The following RGS6 variants were observed in gnomAD, a reference collection of about 807,000 sequenced individuals.
The protein encoded by RGS6 is regulator of G-protein signaling 6.
In RGS6, 30 loss-of-function variants were observed where a neutral mutation model predicts 78.5. The observed-to-expected ratio is 0.38, with a 90% confidence interval of 0.29 to 0.52. The LOEUF (loss-of-function observed/expected upper bound fraction) is 0.52. Among genes scored for constraint, RGS6 ranks in the 20% least tolerant of loss-of-function variants. The pLI, the probability that RGS6 is intolerant of heterozygous loss-of-function variation, is 0.85. For synonymous variants in RGS6, 206 were observed against 206.0 expected (o/e 1.00, Z 0.00); for missense variants, 495 against 609.7 (o/e 0.81, Z 1.98).
chr14:72,260,183 T>C (rs113381948), intron 2 of RGS6, among the ~76,000 whole-genome samples: 1 of 152,210 alleles, frequency 6.6e-6, no homozygotes. Flanking sequence ...CTGGTGACAA[T>C]AGTCGTTACT....
the RGS6 span, among the ~76,000 whole-genome samples, chr14:72,628,147 C>T: frequency 1.1e-4 from 16 of 152,126 alleles, no homozygotes; most frequent in South Asian, 1.0e-3. Flanking sequence ...AGAATAGTGT[C>T]GAATCATAGT....
the RGS6 span, among the ~76,000 whole-genome samples, chr14:71,885,232 A>G: frequency 1.1e-4 from 17 of 152,174 alleles, no homozygotes; most frequent in Admixed American, 4.6e-4. Flanking sequence ...AAACCTAAAC[A>G]TTTCTACTCC....
chr14:72,501,583 G>A (rs1206839864), intron 13 of RGS6, among the ~76,000 whole-genome samples: 3 of 152,196 alleles, frequency 2.0e-5, no homozygotes, highest in Non-Finnish European at 4.4e-5. Context: ...TTCTCATTGA[G>A]GAGAAGTCAG....
chr14:71,890,052 C>G, the RGS6 span, among the ~76,000 whole-genome samples: 15 of 152,262 alleles, frequency 9.9e-5, no homozygotes, highest in Admixed American at 3.9e-4. Context: ...GAGGCCCCCC[C>G]AGAAGTGGAT....
the RGS6 span, among the ~76,000 whole-genome samples, chr14:71,915,181 C>T: frequency 1.5e-4 from 22 of 151,580 alleles, no homozygotes; most frequent in African/African-American, 4.6e-4. Flanking sequence ...TCGCTTGAAC[C>T]GGGAGGCAGA....
intron 2 of RGS6, among the ~76,000 whole-genome samples, chr14:72,072,475 T>C (rs2094441831): frequency 6.6e-6 from 1 of 152,072 alleles, no homozygotes; most frequent in South Asian, 2.1e-4. Flanking sequence ...GCCCGGCTAA[T>C]TTTTTGTATT....
At chr14:71,889,126 G>A in the RGS6 span, among the ~76,000 whole-genome samples, 1 of 152,124 alleles carries the variant, frequency 6.6e-6, no homozygotes. Context: ...AGAATTCAGA[G>A]GCGGGCAGGA....
intron 3 of RGS6, among the ~76,000 whole-genome samples, chr14:72,440,114 G>A (rs190221996): frequency 9.9e-5 from 15 of 152,274 alleles, no homozygotes; most frequent in Admixed American, 6.5e-4. Context: ...CAGCACTTGC[G>A]CTTTGCTTTC....
intron 2 of RGS6, among the ~76,000 whole-genome samples, chr14:72,113,700 G>T (rs1403137718): frequency 6.6e-6 from 1 of 152,188 alleles, no homozygotes; most frequent in Non-Finnish European, 1.5e-5. Flanking sequence ...GGATGGCTCT[G>T]TTCCTCAGGC....
At chr14:72,491,826 C>G (rs2096581855) in intron 12 of RGS6, among the ~76,000 whole-genome samples, 1 of 152,126 alleles carries the variant, frequency 6.6e-6, no homozygotes, top group East Asian at 1.9e-4. Context: ...CACTAGGGAC[C>G]ATGGAAAGCA....
intron 15 of RGS6, among the ~76,000 whole-genome samples, chr14:72,525,816 A>G (rs2097109812): frequency 6.6e-6 from 1 of 152,162 alleles, no homozygotes; most frequent in South Asian, 2.1e-4. Context: ...GACATATTTT[A>G]ATAAGGAATT....
At chr14:71,966,864 T>G (rs567824136) in intron 2 of RGS6, among the ~76,000 whole-genome samples, 1 of 152,270 alleles carries the variant, frequency 6.6e-6, no homozygotes, top group Non-Finnish European at 1.5e-5. Context: ...ATTTATACAG[T>G]GAGTTTTTTT....
chr14:71,918,285 T>C, the RGS6 span, among the ~76,000 whole-genome samples: 475 of 151,314 alleles, frequency 3.1e-3, 2 homozygotes, highest in African/African-American at 0.011. Flanking sequence ...AAATGGTGGT[T>C]CTTAGATTTT....
chr14:72,085,137 TGA>T (rs1567173596), intron 2 of RGS6, among the ~76,000 whole-genome samples: 1 of 152,208 alleles, frequency 6.6e-6, no homozygotes, highest in Admixed American at 6.5e-5. Context: ...GTAGAATTAC[TGA>T]GAGTAATTAT....
intron 3 of RGS6, among the ~76,000 whole-genome samples, chr14:72,414,828 G>C (rs534662407): frequency 6.6e-6 from 1 of 152,218 alleles, no homozygotes; most frequent in African/African-American, 2.4e-5. Context: ...TCCAGAGCCT[G>C]TTTACCTGCG....
intron 3 of RGS6, among the ~76,000 whole-genome samples, chr14:72,355,082 T>G (rs1792853339): frequency 6.6e-6 from 1 of 152,174 alleles, no homozygotes; most frequent in African/African-American, 2.4e-5. Context: ...AAATGAGCCA[T>G]GAAGTATCTC....
chr14:71,982,412 T>G (rs571673271), intron 2 of RGS6, among the ~76,000 whole-genome samples: 1 of 152,380 alleles, frequency 6.6e-6, no homozygotes, highest in African/African-American at 2.4e-5. Context: ...CTGAGAGAAC[T>G]TAACTATTTT....
chr14:72,042,381 G>A (rs541246281), intron 2 of RGS6, among the ~76,000 whole-genome samples: 20 of 151,942 alleles, frequency 1.3e-4, no homozygotes, highest in African/African-American at 3.1e-4. Context: ...CTCCTGCTTC[G>A]GCCTCACAAA....
the RGS6 span, among the ~76,000 whole-genome samples, chr14:71,920,993 T>C: frequency 7.2e-5 from 11 of 152,168 alleles, no homozygotes; most frequent in East Asian, 2.1e-3. Flanking sequence ...CCACAATATA[T>C]GTGAAACTCA....
Sources: allele counts gnomAD v4.1 joint callset (sites outside exome capture counted in the v4.1 genomes callset), GRCh38; gene constraint gnomAD v4.1.1; transcripts MANE v1.5; gene names NCBI Gene and HGNC (gene_info 2026-07-23, HGNC 2026-07-21).